Variants in ATP8B4 observed in about 807,000 individuals in gnomAD.
The protein encoded by ATP8B4 is ATPase phospholipid transporting 8B4 (putative).
Under a neutral mutation model 145.6 loss-of-function variants are expected in ATP8B4, and 133 were observed. The ratio of observed to expected loss-of-function variants is 0.91; its 90% CI spans 0.79 to 1.05. The LOEUF (loss-of-function observed/expected upper bound fraction) is 1.05, where lower values mean the gene tolerates loss of function less well. Ranked by LOEUF, ATP8B4 falls within the 50% of genes least tolerant of loss-of-function variation. ATP8B4 has a pLI of 0.00. For missense variants in ATP8B4, 1,458 were observed against 1,425.2 expected (o/e 1.02, Z -0.37); for synonymous variants, 507 against 492.9 (o/e 1.03, Z -0.38).
intron 1 of ATP8B4, among the ~76,000 whole-genome samples, chr15:50,158,959 A>G (rs1053823989): frequency 6.6e-6 from 1 of 152,242 alleles, no homozygotes; most frequent in African/African-American, 2.4e-5. Flanking sequence ...CCAAGGACAC[A>G]AACACTGCGG....
chr15:50,094,174 T>C (rs920925917), intron 2 of ATP8B4, among the ~76,000 whole-genome samples: 18 of 152,124 alleles, frequency 1.2e-4, no homozygotes, highest in African/African-American at 4.3e-4. Flanking sequence ...TTTTAATCAG[T>C]AGGCAGCGTA....
intron 23 of ATP8B4, chr15:49,895,530 C>T (rs1224308589): frequency 6.6e-6 from 1 of 152,206 alleles, no homozygotes; most frequent in Non-Finnish European, 1.5e-5. Context: ...GGAAGGGACA[C>T]AGAAAAGAAA....
chr15:49,920,556 T>A, intron 17 of ATP8B4, 146 bp from the exon 18 acceptor site: 1 of 904,906 alleles, frequency 1.1e-6, no homozygotes, highest in Non-Finnish European at 1.6e-6. Context: ...CTCAACTTTT[T>A]AATCTCCTCA....
chr15:49,971,353 A>G (rs925199143), intron 13 of ATP8B4, among the ~76,000 whole-genome samples: 2 of 152,248 alleles, frequency 1.3e-5, no homozygotes, highest in Non-Finnish European at 2.9e-5. Flanking sequence ...ATGGGAGAAA[A>G]TATTTTCAAT....
At chr15:50,152,639 A>G (rs1308211184) in intron 1 of ATP8B4, among the ~76,000 whole-genome samples, 1 of 152,244 alleles carries the variant, frequency 6.6e-6, no homozygotes, top group Non-Finnish European at 1.5e-5. Context: ...AAAGTCTGTC[A>G]AAGACATCAA....
intron 1 of ATP8B4, among the ~76,000 whole-genome samples, chr15:50,163,344 G>A (rs1279133348): frequency 6.6e-6 from 1 of 152,212 alleles, no homozygotes; most frequent in Non-Finnish European, 1.5e-5. Flanking sequence ...TGCATTGGGG[G>A]CACCCCAAGC....
chr15:49,997,186 G>C (rs1356495717), intron 8 of ATP8B4, among the ~76,000 whole-genome samples: 2 of 152,048 alleles, frequency 1.3e-5, no homozygotes, highest in Non-Finnish European at 2.9e-5. Context: ...TAATTTCACA[G>C]TAGCTGAAAT....
At chr15:50,113,443 A>G (rs2057045381) in intron 1 of ATP8B4, 1 of 152,254 alleles carries the variant, frequency 6.6e-6, no homozygotes, top group African/African-American at 2.4e-5. Flanking sequence ...CAATAGCCAC[A>G]GTGCTTGTAG....
chr15:50,015,977 T>C (rs2049058341), intron 6 of ATP8B4, among the ~76,000 whole-genome samples: 1 of 152,196 alleles, frequency 6.6e-6, no homozygotes, highest in South Asian at 2.1e-4. Flanking sequence ...ATGAAAGATG[T>C]AGTGCTATAG....
chr15:50,043,676 G>A (rs532527707), intron 5 of ATP8B4, among the ~76,000 whole-genome samples: 1 of 152,008 alleles, frequency 6.6e-6, no homozygotes, highest in South Asian at 2.1e-4. Context: ...AGTGTAGGCC[G>A]GGCGCGGTGG....
chr15:50,094,181 C>T (rs1172201051), intron 2 of ATP8B4, among the ~76,000 whole-genome samples: 2 of 152,090 alleles, frequency 1.3e-5, no homozygotes, highest in Admixed American at 6.6e-5. Flanking sequence ...CAGTAGGCAG[C>T]GTAAAGCAGA....
intron 23 of ATP8B4, chr15:49,896,576 ATTG>A (rs1489212143): frequency 6.6e-6 from 1 of 152,124 alleles, no homozygotes; most frequent in African/African-American, 2.4e-5. Flanking sequence ...TTTTTCTTGT[ATTG>A]TTGTTCAAAA....
intron 2 of ATP8B4, among the ~76,000 whole-genome samples, chr15:50,088,383 C>T (rs531060696): frequency 3.3e-5 from 5 of 152,030 alleles, no homozygotes; most frequent in Admixed American, 2.0e-4. Flanking sequence ...AAAAAACCCT[C>T]GATCCAGCCC....
chr15:50,077,691 A>T (rs1237683152), intron 2 of ATP8B4, among the ~76,000 whole-genome samples: 1 of 152,198 alleles, frequency 6.6e-6, no homozygotes, highest in Non-Finnish European at 1.5e-5. Context: ...TAGAGTAATT[A>T]AAAAAATAAC....
intron 2 of ATP8B4, among the ~76,000 whole-genome samples, chr15:50,104,485 C>A (rs1293371284): frequency 1.3e-5 from 2 of 152,154 alleles, no homozygotes; most frequent in Non-Finnish European, 2.9e-5. Context: ...AAAAAATGCT[C>A]AACATCACTA....
At position 49,972,653 on chromosome 15, in the gene ATP8B4, G is replaced by C; in HGVS notation, c.1172C>G (p.Ser391Cys). The change falls in exon 13 of 28, where the codon TCC becomes TGC. Residue 391 changes from serine (S) to cysteine (C), a missense_variant. Ser to Cys is a moderately radical substitution (Grantham distance 112). Coordinates refer to ENST00000284509, the MANE Select transcript of ATP8B4 (RefSeq NM_024837.4). Reference sequence around the variant, plus strand: ...TTGAGTGAGGGTACCCGTTTTGTCGGAGAAAATGTACTCAATCTGCCCCAG... The same window carrying C: ...TTGAGTGAGGGTACCCGTTTTGTCGCAGAAAATGTACTCAATCTGCCCCAG... ...EELGQIEYIF[S>C]DKTGTLTQNI... The C allele has an allele frequency of 6.2e-7, 1 of 1,613,938 alleles. No homozygotes were observed. Among genetic ancestry groups the C allele is most frequent in the Non-Finnish European group, 8.5e-7 (1 of 1,179,972 alleles).
At chr15:49,960,830 G>GT (rs1391543084) in intron 14 of ATP8B4, among the ~76,000 whole-genome samples, 1 of 152,088 alleles carries the variant, frequency 6.6e-6, no homozygotes, top group African/African-American at 2.4e-5. Context: ...AAGAAAATGG[G>GT]TAAAAAAATT....
At chr15:50,024,752 AT>A (rs1447310002) in intron 6 of ATP8B4, among the ~76,000 whole-genome samples, 3 of 152,212 alleles carry the variant, frequency 2.0e-5, no homozygotes, top group African/African-American at 7.2e-5. Context: ...ATTGCTTCAA[AT>A]CATATCTTGA....
intron 3 of ATP8B4, among the ~76,000 whole-genome samples, chr15:50,055,201 G>A (rs2052513610): frequency 6.6e-6 from 1 of 152,184 alleles, no homozygotes; most frequent in African/African-American, 2.4e-5. Context: ...GCAGGGCCAA[G>A]AAATGCAGAG....
Sources: allele counts gnomAD v4.1 joint callset (sites outside exome capture counted in the v4.1 genomes callset), GRCh38; gene constraint gnomAD v4.1.1; transcripts MANE v1.5; gene names NCBI Gene and HGNC (gene_info 2026-07-23, HGNC 2026-07-21).